The following ZNF195 variants were observed in gnomAD, a reference collection of about 807,000 sequenced individuals.
ZNF195 encodes the protein zinc finger protein 195.
ZNF195 carries 11 observed loss-of-function variants against 19.5 expected under a neutral mutation model. The ratio of observed to expected loss-of-function variants is 0.57; its 90% CI spans 0.36 to 0.94. The LOEUF is 0.94. Among genes scored for constraint, ZNF195 ranks in the 40% least tolerant of loss-of-function variants. ZNF195 has a pLI of 0.01. For synonymous variants in ZNF195, 214 were observed against 248.1 expected, an observed-to-expected ratio of 0.86 and a Z score of 1.29; for missense variants, 582 against 709.0, an observed-to-expected ratio of 0.82 and a Z score of 2.03.
rs1849228604 is a variant in ZNF195 at position 3,371,850 on chromosome 11, A to G, written c.4-147T>C. ...GAATACTCTCTAACTCTGAGGAAAG[A>G]GAATTGCCTGAGAGCCACATAAGCA... On this transcript the variant is annotated intron_variant, in intron 1 of 5. Coordinates refer to ENST00000399602, the MANE Select transcript of ZNF195 (RefSeq NM_001130520.3). The G allele has an allele frequency of 2.2e-5, 22 of 990,668 alleles. No individual in the cohort carries two copies. In the South Asian group the frequency reaches 3.6e-4, roughly 16 times the overall value. 61.4% of individuals were successfully genotyped at this position (990,668 alleles called of 1,614,324 possible).
At chr11:3,362,545 C>A (rs1414315773) in intron 3 of ZNF195, 2 of 581,032 alleles carry the variant, frequency 3.4e-6, no homozygotes, top group African/African-American at 1.9e-5. Context: ...GTGTAAAATA[C>A]CTTGTTGTAA....
chr11:3,362,999 T>A (rs1055478255), intron 3 of ZNF195, among the ~76,000 whole-genome samples: 3 of 152,144 alleles, frequency 2.0e-5, no homozygotes, highest in African/African-American at 7.2e-5. Context: ...TAAAACATAC[T>A]TTAAGTCAGA....
chr11:3,371,540 G>A, intron 2 of ZNF195, 37 bp downstream of exon 2: 1 of 1,613,594 alleles, frequency 6.2e-7, no homozygotes. Flanking sequence ...GAACTCTTTA[G>A]GGCATAGGAG....
chr11:3,361,041 T>G (rs1229745414), intron 4 of ZNF195, among the ~76,000 whole-genome samples: 2 of 152,166 alleles, frequency 1.3e-5, no homozygotes, highest in Non-Finnish European at 2.9e-5. Context: ...CTGGGTCTGC[T>G]GAGACCGAAA....
In ZNF195 at chr11:3,360,763, T is replaced by C. The variant is rs1209180827; in HGVS notation, c.399A>G (p.Gln133=). Residue 133 remains glutamine, a synonymous_variant, in exon 5 of 6, where the codon CAA becomes CAG. Coordinates refer to ENST00000399602, the MANE Select transcript of ZNF195 (RefSeq NM_001130520.3). ...TGAACTCTAAAAACCATTTCACAGT[T>C]TGCAGCACCCCAGGTGAGCACAGTG... ...FTALCSPGVL[Q]TVKWFLEFRC... The C allele has an allele frequency of 6.4e-7, 1 of 1,551,538 alleles. No homozygotes were observed. Among genetic ancestry groups the C allele is most frequent in the South Asian group, 1.2e-5 (1 of 84,050 alleles).
intron 3 of ZNF195, among the ~76,000 whole-genome samples, chr11:3,365,509 C>T (rs1050852820): frequency 5.3e-5 from 8 of 152,222 alleles, no homozygotes; most frequent in Admixed American, 2.6e-4. Context: ...CTTGAACATA[C>T]ACATTCTTGC....
At chr11:3,366,149 A>G (rs1848870818) in intron 3 of ZNF195, among the ~76,000 whole-genome samples, 1 of 151,148 alleles carries the variant, frequency 6.6e-6, no homozygotes, top group Non-Finnish European at 1.5e-5. Flanking sequence ...CTGTAGTCCC[A>G]GCTACTCAGG....
chr11:3,376,184 T>C (rs1163505592), intron 1 of ZNF195, among the ~76,000 whole-genome samples: 1 of 151,934 alleles, frequency 6.6e-6, no homozygotes, highest in African/African-American at 2.4e-5. Flanking sequence ...CTTCTCTCTG[T>C]AGAAAGGCTC....
chr11:3,366,164 T>C (rs1589807808), intron 3 of ZNF195, among the ~76,000 whole-genome samples: 1 of 145,810 alleles, frequency 6.9e-6, no homozygotes. Flanking sequence ...CTCAGGAGGC[T>C]GAGGCAGGAG....
At chr11:3,374,509 A>G (rs1248729916) in intron 1 of ZNF195, among the ~76,000 whole-genome samples, 1 of 152,252 alleles carries the variant, frequency 6.6e-6, no homozygotes, top group Non-Finnish European at 1.5e-5. Context: ...GTCTGTCTGC[A>G]TTTGGAAAAC....
At chr11:3,366,703 T>G in intron 3 of ZNF195, 1 of 201,172 alleles carries the variant, frequency 5.0e-6, no homozygotes. Context: ...GTCAAGGATG[T>G]GAAGACATTG....
At position 3,359,974 on chromosome 11, in the gene ZNF195, T is replaced by C. The variant is rs1349235649; in HGVS notation, c.1034A>G (p.His345Arg). Residue 345 changes from histidine to arginine, a missense_variant, in exon 6 of 6, where the codon CAT becomes CGT. His to Arg is a conservative substitution (Grantham distance 29, BLOSUM62 0). Transcript: ENST00000399602. The surrounding 1 kb of genome is among the most constrained non-coding windows in gnomAD (Gnocchi z 5.5). ...GGGTTTTTCCTCAGTACCATGCTCA[T>C]GTTCAGTAAGGTGGGAGCACTGGTT... ...VFNQCSHLTE[H>R]EHGTEEKPCK... The C allele has an allele frequency of 1.9e-6, 3 of 1,614,172 alleles. No homozygotes were observed. The highest frequency in any genetic ancestry group is 2.5e-6 in the Non-Finnish European group (3 of 1,180,034).
At chr11:3,362,507 G>A (rs1848681824) in intron 3 of ZNF195, 1 of 461,860 alleles carries the variant, frequency 2.2e-6, no homozygotes, top group Admixed American at 3.6e-5. Context: ...AAGAATTTTT[G>A]TATACAACTA....
At position 3,371,719 on chromosome 11, in the gene ZNF195, C is replaced by G. The variant is rs1849221266; in HGVS notation, c.4-16G>C. ...TCAACAGAGTCTGAAGAAGAAACAA[C>G]AACAATAACAAATACTTGATTCGAG... On this transcript the variant is annotated splice_polypyrimidine_tract_variant and intron_variant, in intron 1 of 5. Coordinates refer to ENST00000399602, the MANE Select transcript of ZNF195 (RefSeq NM_001130520.3). 2 of 1,581,266 alleles carry G rather than the reference C, an allele frequency of 1.3e-6. No individual in the cohort carries two copies. Among genetic ancestry groups the G allele is most frequent in the African/African-American group, 1.4e-5 (1 of 73,414 alleles).
intron 2 of ZNF195, 65 bp from the exon 3 acceptor site, chr11:3,371,135 T>C: frequency 2.1e-6 from 3 of 1,440,180 alleles, no homozygotes; most frequent in African/African-American, 1.4e-5. Context: ...CCTTGTACTG[T>C]GCTTAGTAGA....
At position 3,360,072 on chromosome 11, in the gene ZNF195, G is replaced by A; in HGVS notation, c.936C>T (p.Cys312=). 2 of 1,614,116 alleles carry A rather than the reference G, an allele frequency of 1.2e-6. No individual in the cohort carries two copies. The highest frequency in any genetic ancestry group is 1.7e-6 in the Non-Finnish European group (2 of 1,180,014). The change falls in exon 6 of 6, where the codon TGC becomes TGT. Residue 312 remains cysteine, a synonymous_variant. Transcript: ENST00000399602. ...CQECNNVIKT[C]SVLTKNRIYA... Reference sequence around the variant, plus strand: ...AAATTCTATTTTTAGTAAGGACTGAGCAAGTTTTAATGACGTTGTTACATT... The same window carrying A: ...AAATTCTATTTTTAGTAAGGACTGAACAAGTTTTAATGACGTTGTTACATT...
intron 3 of ZNF195, chr11:3,362,142 A>AT: frequency 9.1e-6 from 3 of 330,142 alleles, no homozygotes; most frequent in Non-Finnish European, 1.9e-5. Flanking sequence ...CAAGAATAAT[A>AT]TAACCAGTGT....
In ZNF195 at chr11:3,359,908, G is replaced by GTTGC. The variant is rs775359413; in HGVS notation, c.1099_1100insGCAA (p.Ser367CysfsTer6). ...AATCATCTGTTGATTAGAAAGGCTT[G>GTTGC]AGCAAGAGATAAAGACACTGCTGCA... On this transcript the variant is annotated frameshift_variant, in exon 6 of 6. Transcript: ENST00000399602. LOFTEE classifies it low-confidence loss of function (END_TRUNC). The surrounding 1 kb of genome is among the most constrained non-coding windows in gnomAD (Gnocchi z 5.5). 3.7e-6 allele frequency: 6 copies of GTTGC among 1,614,194 alleles called. No individual in the cohort carries two copies. Among genetic ancestry groups the GTTGC allele is most frequent in the Non-Finnish European group, 5.1e-6 (6 of 1,180,048 alleles).
At chr11:3,362,546 C>A in intron 3 of ZNF195, 1 of 581,328 alleles carries the variant, frequency 1.7e-6, no homozygotes, top group Non-Finnish European at 3.1e-6. Flanking sequence ...TGTAAAATAC[C>A]TTGTTGTAAC....
Sources: gnomAD v4.1 joint callset for allele counts (sites outside exome capture counted in the v4.1 genomes callset) on GRCh38, gnomAD v4.1.1 for gene constraint, Gnocchi (gnomAD v3.1) non-coding constraint, MANE v1.5 for transcripts, NCBI Gene and HGNC (gene_info 2026-07-23, HGNC 2026-07-21) for gene names.